Variants in PDE8A observed in about 807,000 individuals in gnomAD.
PDE8A encodes the protein high affinity cAMP-specific and IBMX-insensitive 3',5'-cyclic phosphodiesterase 8A.
PDE8A carries 59 observed loss-of-function variants against 105.0 expected under a neutral mutation model. That is an observed-to-expected ratio of 0.56 (90% confidence interval 0.46 to 0.70). The LOEUF is 0.70. Among genes scored for constraint, PDE8A ranks in the 30% least tolerant of loss-of-function variants. The pLI is 0.00. For missense variants in PDE8A, 1,014 were observed against 1,045.9 expected, an observed-to-expected ratio of 0.97 and a Z score of 0.42; for synonymous variants, 355 against 371.9, an observed-to-expected ratio of 0.95 and a Z score of 0.52.
At chr15:85,092,460 C>A (rs532786420) in intron 8 of PDE8A, among the ~76,000 whole-genome samples, 5 of 152,022 alleles carry the variant, frequency 3.3e-5, no homozygotes, top group African/African-American at 4.8e-5. Context: ...GGCAAGTATT[C>A]CTTTCCATGG....
intron 21 of PDE8A, among the ~76,000 whole-genome samples, 191 bp downstream of exon 21, chr15:85,136,854 G>A (rs1022788921): frequency 6.6e-6 from 1 of 152,162 alleles, no homozygotes; most frequent in African/African-American, 2.4e-5. Context: ...AGGCATAGGT[G>A]TCTTTATGCC....
At chr15:85,071,851 G>C (rs1464296004) in intron 3 of PDE8A, among the ~76,000 whole-genome samples, 1 of 152,186 alleles carries the variant, frequency 6.6e-6, no homozygotes, top group East Asian at 1.9e-4. Flanking sequence ...AGGGGGGAAA[G>C]AACAGCCCTG....
At chr15:85,126,523 A>ATT in intron 20 of PDE8A, 149 bp downstream of exon 20, 1 of 454,468 alleles carries the variant, frequency 2.2e-6, no homozygotes, top group Non-Finnish European at 3.6e-6. Flanking sequence ...CTGGTAACAA[A>ATT]TTTTTTTTTT....
intron 1 of PDE8A, among the ~76,000 whole-genome samples, chr15:85,051,836 T>C (rs1271168566): frequency 2.0e-5 from 3 of 152,150 alleles, no homozygotes; most frequent in Non-Finnish European, 4.4e-5. Flanking sequence ...AAAATTATTA[T>C]TATACTTTAA....
intron 1 of PDE8A, among the ~76,000 whole-genome samples, chr15:84,989,056 C>T (rs528751076): frequency 7.2e-5 from 11 of 152,330 alleles, no homozygotes; most frequent in African/African-American, 2.2e-4. Context: ...ATTAGTAAAG[C>T]TTTTGCCTCC....
intron 1 of PDE8A, among the ~76,000 whole-genome samples, chr15:85,010,186 T>C (rs1282884942): frequency 6.6e-6 from 1 of 152,180 alleles, no homozygotes; most frequent in Non-Finnish European, 1.5e-5. Context: ...AGGTGGTAAT[T>C]ATATGGGTGA....
chr15:85,026,164 AC>A (rs760424430), intron 1 of PDE8A, among the ~76,000 whole-genome samples: 4 of 152,108 alleles, frequency 2.6e-5, no homozygotes, highest in Non-Finnish European at 5.9e-5. Context: ...GAAACAAACC[AC>A]CCCAAACTTA....
chr15:85,080,005 C>A (rs1309485336), intron 5 of PDE8A, among the ~76,000 whole-genome samples: 1 of 151,858 alleles, frequency 6.6e-6, no homozygotes, highest in Non-Finnish European at 1.5e-5. Flanking sequence ...TGAAAAAGTA[C>A]AATTCTATAA....
chr15:85,029,998 G>C (rs2080586188), intron 1 of PDE8A, among the ~76,000 whole-genome samples: 1 of 152,170 alleles, frequency 6.6e-6, no homozygotes, highest in Non-Finnish European at 1.5e-5. Flanking sequence ...CTGTTCTAAA[G>C]AGGGTTGCAG....
intron 20 of PDE8A, among the ~76,000 whole-genome samples, chr15:85,130,997 T>TC (rs1233474184): frequency 6.6e-6 from 1 of 152,180 alleles, no homozygotes; most frequent in Non-Finnish European, 1.5e-5. Flanking sequence ...CCTCAGGTGA[T>TC]CCGCTCACCT....
Position 85,123,092 on chromosome 15 carries a change from A to G in PDE8A, c.1984A>G (p.Ile662Val). The G allele has an allele frequency of 6.2e-7, 1 of 1,614,090 alleles. No individual in the cohort carries two copies. Among genetic ancestry groups the G allele is most frequent in the East Asian group, 2.2e-5 (1 of 44,878 alleles). Reference sequence around the variant, plus strand: ...TTATCGGACACTGCGCCAGGGGATTATCGACATGGTCTTAGCCACAGAAAT... The same window carrying G: ...TTATCGGACACTGCGCCAGGGGATTGTCGACATGGTCTTAGCCACAGAAAT... ...NDYRTLRQGI[I>V]DMVLATEMTK... Residue 662 changes from isoleucine (I) to valine (V), a missense_variant, in exon 19 of 22, where the codon ATC (isoleucine) becomes GTC (valine). Ile to Val is a conservative substitution (Grantham distance 29). Transcript: ENST00000394553.
intron 1 of PDE8A, among the ~76,000 whole-genome samples, chr15:85,052,479 C>T (rs1490991791): frequency 3.3e-5 from 5 of 152,134 alleles, no homozygotes; most frequent in South Asian, 2.1e-4. Context: ...TCCTCTCCAG[C>T]GCCTGTTGTT....
intron 11 of PDE8A, among the ~76,000 whole-genome samples, chr15:85,105,542 T>C (rs568748177): frequency 1.3e-5 from 2 of 152,240 alleles, no homozygotes; most frequent in South Asian, 4.1e-4. Flanking sequence ...GGGGTACTGA[T>C]TGGTTATCCT....
chr15:84,982,223 C>G lies in PDE8A; in HGVS notation c.61C>G (p.Pro21Ala). ...CCTGGTGGCCGAGGACGCGCCTAGC[C>G]CCGCGGCACCGCCGCTGTCGTCCGG... ...ERLVAEDAPSPAAPPLSSGGP... is the reference protein window; with the variant it reads ...ERLVAEDAPSAAAPPLSSGGP... The change falls in exon 1 of 22, where the codon CCC (proline) becomes GCC (alanine). Residue 21 changes from proline (P) to alanine (A), a missense_variant. Physicochemically the swap from Pro to Ala is conservative, Grantham distance 27 (BLOSUM62 -1). Transcript: ENST00000394553. 1.4e-6 allele frequency: 2 copies of G among 1,480,682 alleles called. No individual in the cohort carries two copies. Among genetic ancestry groups the G allele is most frequent in the Non-Finnish European group, 1.8e-6 (2 of 1,123,872 alleles). 91.7% of individuals were successfully genotyped at this position (1,480,682 alleles called of 1,614,324 possible). A position where few individuals can be genotyped will look rare whatever the true frequency, so the allele number is the denominator to read the frequency against.
intron 20 of PDE8A, 135 bp downstream of exon 20, chr15:85,126,509 G>A: frequency 1.9e-6 from 1 of 530,684 alleles, no homozygotes; most frequent in Non-Finnish European, 3.0e-6. Flanking sequence ...GTAACAAATG[G>A]TAACTGGTAA....
rs938329279 is a variant in PDE8A at position 85,078,222 on chromosome 15, A to G, written c.546+1435A>G. 1.3e-5 allele frequency among the ~76,000 whole-genome samples: 2 copies of G among 149,506 alleles called. 1 individual carries two copies. Among genetic ancestry groups the G allele is most frequent in the Admixed American group, 1.3e-4 (2 of 15,060 alleles). ...CCTTCAAAAGACTGACACACACACT[A>G]ACAGCTAGCTTCTCAGCAGCAACAA... On this transcript the variant is annotated intron_variant, in intron 5 of 21. Transcript: ENST00000394553.
chr15:85,026,343 G>C (rs930761542), intron 1 of PDE8A, among the ~76,000 whole-genome samples: 1 of 152,108 alleles, frequency 6.6e-6, no homozygotes, highest in East Asian at 1.9e-4. Flanking sequence ...TGCCTTGAAG[G>C]CTAGTGGAAT....
intron 19 of PDE8A, among the ~76,000 whole-genome samples, chr15:85,124,682 C>G (rs1408449050): frequency 6.6e-6 from 1 of 152,198 alleles, no homozygotes; most frequent in East Asian, 1.9e-4. Context: ...AATTTGTCAG[C>G]CTGCCCCTGA....
At chr15:85,134,256 G>T (rs1470905779) in intron 20 of PDE8A, among the ~76,000 whole-genome samples, 1 of 152,258 alleles carries the variant, frequency 6.6e-6, no homozygotes, top group Non-Finnish European at 1.5e-5. Flanking sequence ...GGATGACTGA[G>T]TGGCTGAGCT....
Sources: allele counts gnomAD v4.1 joint callset (sites outside exome capture counted in the v4.1 genomes callset), GRCh38; gene constraint gnomAD v4.1.1; transcripts MANE v1.5; gene names NCBI Gene and HGNC (gene_info 2026-07-23, HGNC 2026-07-21).